Variants in ZNF282 observed in about 807,000 individuals in gnomAD.
The protein encoded by ZNF282 is HTLV-I U5 repressive element-binding protein 1.
Under a neutral mutation model 61.9 loss-of-function variants are expected in ZNF282, and 30 were observed. That is an observed-to-expected ratio of 0.48 (90% confidence interval 0.36 to 0.66). ZNF282 has a LOEUF of 0.66. Among genes scored for constraint, ZNF282 ranks in the 30% least tolerant of loss-of-function variants. ZNF282 has a pLI of 0.00. For synonymous variants in ZNF282, 396 were observed against 405.0 expected, an observed-to-expected ratio of 0.98 and a Z score of 0.27; for missense variants, 788 against 941.4, an observed-to-expected ratio of 0.84 and a Z score of 2.13.
intron 3 of ZNF282, 150 bp from the exon 4 acceptor site, chr7:149,207,201 C>CAAGGTTCTTCTTAAG: frequency 1.0e-6 from 1 of 1,000,678 alleles, no homozygotes; most frequent in Non-Finnish European, 1.4e-6. Context: ...GACTCGTTTT[C>CAAGGTTCTTCTTAAG]AGATTACCCG....
chr7:149,197,516 A>G (rs914798155), intron 1 of ZNF282, among the ~76,000 whole-genome samples: 1 of 152,110 alleles, frequency 6.6e-6, no homozygotes, highest in Admixed American at 6.5e-5. Context: ...TCTGTTGCCC[A>G]GGCTGGAGTG....
intron 7 of ZNF282, among the ~76,000 whole-genome samples, chr7:149,216,740 G>A (rs764150340): frequency 5.2e-4 from 79 of 152,218 alleles, no homozygotes; most frequent in Middle Eastern, 6.8e-3. Flanking sequence ...GTGCAGACAC[G>A]GGATACCTGT....
intron 5 of ZNF282, among the ~76,000 whole-genome samples, chr7:149,211,876 G>GA (rs1317602138): frequency 6.6e-6 from 1 of 152,160 alleles, no homozygotes; most frequent in Non-Finnish European, 1.5e-5. Flanking sequence ...CTCTGTAGAA[G>GA]AAAGAGAGTA....
In ZNF282 at chr7:149,198,488, T is replaced by C; in HGVS notation, c.321T>C (p.Ala107=). The C allele has an allele frequency of 1.2e-6, 2 of 1,614,110 alleles. No individual in the cohort carries two copies. Among genetic ancestry groups the C allele is most frequent in the Non-Finnish European group, 1.7e-6 (2 of 1,179,990 alleles). ...GGACTGTGGTGGCTGCCATTCAGGCTGTGGAGAGGAAGGTGGATGCCCAGG... is the reference window on the plus strand; with the variant it reads ...GGACTGTGGTGGCTGCCATTCAGGCCGTGGAGAGGAAGGTGGATGCCCAGG... ...SLWTVVAAIQ[A]VERKVDAQAS... is the part of the protein sequence containing the mutation. The change falls in exon 2 of 8, where the codon GCT becomes GCC. Residue 107 remains alanine (A), a synonymous_variant. Coordinates refer to ENST00000610704, the MANE Select transcript of ZNF282 (RefSeq NM_003575.4). The surrounding 1 kb of genome is among the most constrained non-coding windows in gnomAD (Gnocchi z 4.3).
At chr7:149,212,506 C>G (rs1352767901) in intron 6 of ZNF282, 35 bp downstream of exon 6, 1 of 1,476,014 alleles carries the variant, frequency 6.8e-7, no homozygotes, top group East Asian at 2.3e-5. Context: ...TTGAGGGCAA[C>G]AAGTGTTTTT....
chr7:149,224,917 C>G lies in ZNF282; in HGVS notation c.*270C>G. ...CTCGGGCACCGCCCTCACACCTCCT[C>G]GAGTGCCCTGGGACCACTGGGCCAC... On this transcript the variant is annotated 3_prime_UTR_variant, in exon 8 of 8. Coordinates refer to ENST00000610704, the MANE Select transcript of ZNF282 (RefSeq NM_003575.4). 2.0e-6 allele frequency: 1 copy of G among 507,620 alleles called. No individual in the cohort carries two copies. Among genetic ancestry groups the G allele is most frequent in the Non-Finnish European group, 3.4e-6 (1 of 293,476 alleles). The allele number at this position is 507,620 out of a possible 1,614,324, so 31.4% of individuals were successfully genotyped here.
chr7:149,203,579 AC>A (rs1795947529), intron 2 of ZNF282, among the ~76,000 whole-genome samples: 1 of 152,126 alleles, frequency 6.6e-6, no homozygotes, highest in South Asian at 2.1e-4. Context: ...CTGGTCTTGA[AC>A]TTCTGGGCTC....
chr7:149,212,180 A>C, intron 5 of ZNF282, 178 bp from the exon 6 acceptor site: 2 of 507,472 alleles, frequency 3.9e-6, no homozygotes, highest in Middle Eastern at 2.9e-4. Context: ...TTTGCAGCAA[A>C]AGCTCCGTTA....
chr7:149,202,927 A>G (rs1296872501), intron 2 of ZNF282, among the ~76,000 whole-genome samples: 1 of 151,956 alleles, frequency 6.6e-6, no homozygotes, highest in Admixed American at 6.6e-5. Context: ...TGGAGAGCTA[A>G]CAGCTTCCTG....
intron 2 of ZNF282, among the ~76,000 whole-genome samples, chr7:149,201,851 ACCT>A (rs1239083192): frequency 1.3e-5 from 2 of 151,582 alleles, no homozygotes; most frequent in Non-Finnish European, 2.9e-5. Context: ...TGCCTCTCTG[ACCT>A]CCTCTGCATC....
In ZNF282 at chr7:149,198,847, C is replaced by G; in HGVS notation, c.585+95C>G. ...TTTTGTCAGCCCTTCTCATAAACTT[C>G]TCTGGCTCCCCGTTATCCAATTTCA... On this transcript the variant is annotated intron_variant, in intron 2 of 7. Transcript: ENST00000610704. This position sits in a 1 kb window ranked among gnomAD's most constrained non-coding sequence, Gnocchi z 4.3. 6.8e-7 allele frequency: 1 copy of G among 1,470,240 alleles called. No homozygotes were observed. The highest frequency in any genetic ancestry group is 9.1e-7 in the Non-Finnish European group (1 of 1,104,060). 91.1% of individuals were successfully genotyped at this position (1,470,240 alleles called of 1,614,324 possible). A position where few individuals can be genotyped will look rare whatever the true frequency, so the allele number is the denominator to read the frequency against.
chr7:149,202,287 G>A (rs541072681), intron 2 of ZNF282, among the ~76,000 whole-genome samples: 1 of 150,906 alleles, frequency 6.6e-6, no homozygotes, highest in East Asian at 1.9e-4. Flanking sequence ...TGGAATAACA[G>A]GCATGTGCCA....
At chr7:149,200,835 G>C (rs1414273999) in intron 2 of ZNF282, among the ~76,000 whole-genome samples, 1 of 152,160 alleles carries the variant, frequency 6.6e-6, no homozygotes, top group Non-Finnish European at 1.5e-5. Context: ...GACCTCAGGT[G>C]ATCCACCTGC....
rs199796128 is a variant in ZNF282 at position 149,207,419 on chromosome 7, T to G, written c.781T>G (p.Trp261Gly). 1.1e-5 allele frequency: 17 copies of G among 1,571,942 alleles called. 1 individual carries two copies. Among genetic ancestry groups the G allele is most frequent in the Non-Finnish European group, 1.5e-5 (17 of 1,157,254 alleles). Reference protein sequence around the residue: ...QAEPREEPCVWEQRHPEEREI... With the variant: ...QAEPREEPCVGEQRHPEEREI... ...TGAGCCCAGGGAAGAACCTTGTGTGTGGGAGCAGCGCCACCCCGAAGAGAG... is the reference window on the plus strand; with the variant it reads ...TGAGCCCAGGGAAGAACCTTGTGTGGGGGAGCAGCGCCACCCCGAAGAGAG... Residue 261 changes from tryptophan (W) to glycine (G), a missense_variant, in exon 4 of 8, where the codon TGG becomes GGG. By Grantham distance (184) the Trp-to-Gly change is radical (BLOSUM62 -2). This residue lies in a region of ZNF282 where 559 missense variants were observed against 642.0 expected (regional missense o/e 0.87). Transcript: ENST00000610704.
Position 149,224,542 on chromosome 7 carries a change from G to C in ZNF282, c.1911G>C (p.Lys637Asn). The change falls in exon 8 of 8, where the codon AAG becomes AAC. Residue 637 changes from lysine (K) to asparagine (N), a missense_variant. This residue lies in a region of ZNF282 where 559 missense variants were observed against 642.0 expected (regional missense o/e 0.87). Transcript: ENST00000610704. ...CCTACACGTGCGGCGAGTGCGGCAAGAGCTTCCGCTACAAGGAGTCGCTCA... is the reference window on the plus strand; with the variant it reads ...CCTACACGTGCGGCGAGTGCGGCAACAGCTTCCGCTACAAGGAGTCGCTCA... ...ERPYTCGECG[K>N]SFRYKESLKD... is the part of the protein sequence containing the mutation. 6.2e-7 allele frequency: 1 copy of C among 1,610,524 alleles called. No homozygotes were observed. Among genetic ancestry groups the C allele is most frequent in the Non-Finnish European group, 8.5e-7 (1 of 1,179,668 alleles).
rs745848045 is a variant in ZNF282, at chr7:149,210,720, A to C, written c.952+16A>C. ...TCCATTACCGGTGAGTGAGCCAAGC[A>C]GCCGTCCACACCAGGGAGGGGAGGG... On this transcript the variant is annotated intron_variant, in intron 5 of 7. Coordinates refer to ENST00000610704, the MANE Select transcript of ZNF282 (RefSeq NM_003575.4). The C allele has an allele frequency of 1.4e-5, 22 of 1,567,996 alleles. No homozygotes were observed. The African/African-American group carries it at 2.3e-4, about 16-fold the overall frequency.
chr7:149,216,366 C>A (rs1202388), intron 7 of ZNF282, among the ~76,000 whole-genome samples: 1 of 152,166 alleles, frequency 6.6e-6, no homozygotes, highest in Non-Finnish European at 1.5e-5. Context: ...TCCCAAAGCT[C>A]TGGGATTACA....
At chr7:149,201,622 G>A (rs1234248707) in intron 2 of ZNF282, among the ~76,000 whole-genome samples, 1 of 152,080 alleles carries the variant, frequency 6.6e-6, no homozygotes, top group Admixed American at 6.6e-5. Flanking sequence ...CATGGTGGCA[G>A]GCACCTGTAA....
intron 2 of ZNF282, among the ~76,000 whole-genome samples, chr7:149,199,665 T>C (rs1795878655): frequency 6.6e-6 from 1 of 152,104 alleles, no homozygotes; most frequent in Non-Finnish European, 1.5e-5. Context: ...CCCTCCCTTT[T>C]CCCCTTCTCT....
Sources: allele counts gnomAD v4.1 joint callset (sites outside exome capture counted in the v4.1 genomes callset), GRCh38; gene constraint gnomAD v4.1.1; regional missense constraint gnomAD v4.1.1; non-coding constraint Gnocchi (gnomAD v3.1); transcripts MANE v1.5; gene names NCBI Gene and HGNC (gene_info 2026-07-23, HGNC 2026-07-21).